GRHPR: variants seen among roughly 807,000 people sequenced by gnomAD.
The protein encoded by GRHPR is glyoxylate and hydroxypyruvate reductase.
GRHPR carries 35 observed loss-of-function variants against 36.8 expected under a neutral mutation model. The ratio of observed to expected loss-of-function variants is 0.95; its 90% CI spans 0.73 to 1.26. The LOEUF (loss-of-function observed/expected upper bound fraction) is 1.26, where lower values mean the gene tolerates loss of function less well. Ranked by LOEUF, GRHPR falls within the 50% of genes most tolerant of loss-of-function variation. The pLI is 0.00. For synonymous variants in GRHPR, 179 were observed against 181.0 expected, an observed-to-expected ratio of 0.99 and a Z score of 0.09; for missense variants, 380 against 435.0, an observed-to-expected ratio of 0.87 and a Z score of 1.12.
chr9:37,436,994 C>T (rs535362163), downstream of GRHPR: 243 of 524,646 alleles, frequency 4.6e-4, 1 homozygote, highest in African/African-American at 4.2e-3. Context: ...TCTGAGAGAC[C>T]GTCTTGGCCT....
chr9:37,439,369 A>T (rs1434301428), downstream of GRHPR: 2 of 152,244 alleles, frequency 1.3e-5, no homozygotes, highest in Admixed American at 6.5e-5. Flanking sequence ...CATGAACACT[A>T]CCATGTTTGG....
At chr9:37,432,383 T>A in intron 8 of GRHPR, 4 of 432,678 alleles carry the variant, frequency 9.2e-6, no homozygotes, top group Non-Finnish European at 1.3e-5. Flanking sequence ...TGGATTTGTT[T>A]AAAAAAAAAG....
In GRHPR at chr9:37,430,516, AC is replaced by A; in HGVS notation, c.608del (p.Pro203LeufsTer16). 1 of 1,613,220 alleles carries A rather than the reference AC, an allele frequency of 6.2e-7. No individual in the cohort carries two copies. The highest frequency in any genetic ancestry group is 8.5e-7 in the Non-Finnish European group (1 of 1,179,372). On this transcript the variant is annotated frameshift_variant, in exon 7 of 9. Coordinates refer to ENST00000318158, the MANE Select transcript of GRHPR (RefSeq NM_012203.2). LOFTEE classifies it high-confidence loss of function. ...GGAGTCCTGCCCTCCCTCAGTGTCT[AC>A]CCCTGAGCTGGCTGCCCAATCTGAT... is the stretch of plus-strand genomic sequence containing the variant. Reference protein sequence around the residue: ...AAEFQAEFVSTPELAAQSDFI... With the variant: ...AAEFQAEFVSXPELAAQSDFI...
At chr9:37,435,756 A>G (rs866505754) in intron 8 of GRHPR, among the ~76,000 whole-genome samples, 1 of 152,206 alleles carries the variant, frequency 6.6e-6, no homozygotes, top group Admixed American at 6.5e-5. Context: ...AATGTACTCA[A>G]TTAAAAGGAA....
At chr9:37,424,491 C>T (rs1822980998) in intron 1 of GRHPR, among the ~76,000 whole-genome samples, 1 of 152,378 alleles carries the variant, frequency 6.6e-6, no homozygotes, top group East Asian at 1.9e-4. Context: ...CCATTGAATC[C>T]AGGCCCCCCA....
intron 6 of GRHPR, 149 bp from the exon 7 acceptor site, chr9:37,430,362 C>T (rs141699256): frequency 1.3e-6 from 1 of 741,814 alleles, no homozygotes. Context: ...ACTTTGTGCA[C>T]TCATGAGAGT....
chr9:37,428,360 C>T (rs1017099369), intron 4 of GRHPR, 124 bp from the exon 5 acceptor site: 6 of 755,056 alleles, frequency 7.9e-6, no homozygotes, highest in South Asian at 2.7e-5. Context: ...CCTCATCCCA[C>T]TCTCAGTCCG....
At position 37,436,850 on chromosome 9, in the gene GRHPR, G is replaced by T; in HGVS notation, c.*68G>T. 6.4e-7 allele frequency: 1 copy of T among 1,559,388 alleles called. No homozygotes were observed. Among genetic ancestry groups the T allele is most frequent in the South Asian group, 1.1e-5 (1 of 89,614 alleles). The stretch of plus-strand genomic sequence containing the variant: ...GGTATTGTCAGACACACCCAGGCTT[G>T]ATTTGGATCCACAGGCAGAGCCAAG... On this transcript the variant is annotated 3_prime_UTR_variant, in exon 9 of 9. Coordinates refer to ENST00000318158, the MANE Select transcript of GRHPR (RefSeq NM_012203.2).
Position 37,436,966 on chromosome 9 carries a change from T to G in GRHPR, c.*184T>G, listed in dbSNP as rs1823699484. The G allele has an allele frequency of 1.6e-6, 1 of 629,440 alleles. No homozygotes were observed. The highest frequency in any genetic ancestry group is 2.8e-6 in the Non-Finnish European group (1 of 354,156). The allele number at this position is 629,440 out of a possible 1,614,324, so 39.0% of individuals were successfully genotyped here. ...ACATTTGCGCCAAAAGTATGGTAAT[T>G]CTATTATTAAATAATTCTCTGAGAG... On this transcript the variant is annotated 3_prime_UTR_variant, in exon 9 of 9. Transcript: ENST00000318158.
chr9:37,439,034 TTATC>T (rs1177357088), downstream of GRHPR: 1 of 152,220 alleles, frequency 6.6e-6, no homozygotes, highest in African/African-American at 2.4e-5. Flanking sequence ...ACTGAATAAT[TTATC>T]TGATTTATGA....
intron 5 of GRHPR, chr9:37,429,312 G>C (rs141800130): frequency 1.1e-4 from 32 of 282,794 alleles, no homozygotes; most frequent in Admixed American, 6.1e-4. Flanking sequence ...CAGTTTGGCA[G>C]TGCCACCAAA....
intron 1 of GRHPR, among the ~76,000 whole-genome samples, chr9:37,424,089 C>T (rs1822965006): frequency 6.6e-6 from 1 of 152,172 alleles, no homozygotes; most frequent in African/African-American, 2.4e-5. Context: ...ATGAGATTTT[C>T]AAATTTTGTT....
At chr9:37,434,987 C>T (rs1384685609) in intron 8 of GRHPR, 1 of 152,276 alleles carries the variant, frequency 6.6e-6, no homozygotes, top group African/African-American at 2.4e-5. Flanking sequence ...TAGGGTGGCT[C>T]ACGCCTATAA....
chr9:37,422,926 C>A, intron 1 of GRHPR, 93 bp downstream of exon 1: 1 of 930,672 alleles, frequency 1.1e-6, no homozygotes, highest in Non-Finnish European at 1.7e-6. Context: ...CCGGCTGGGG[C>A]AGGCTTGGAG....
Position 37,430,927 on chromosome 9 carries a change from G to T in GRHPR, c.734+281G>T, listed in dbSNP as rs1353655651. 1.8e-5 allele frequency: 10 copies of T among 563,028 alleles called. No individual in the cohort carries two copies. In the Admixed American group the frequency reaches 2.2e-4, roughly 12 times the overall value. The allele number at this position is 563,028 out of a possible 1,614,324, so 34.9% of individuals were successfully genotyped here. A position where few individuals can be genotyped will look rare whatever the true frequency, so the allele number is the denominator to read the frequency against. On this transcript the variant is annotated intron_variant, in intron 7 of 8. Coordinates refer to ENST00000318158, the MANE Select transcript of GRHPR (RefSeq NM_012203.2). ...CGTGGCTTCAGGGAGTGTTCCCAGG[G>T]AGCCTCTGCAGGCCCATTATCCTCC...
chr9:37,430,949 C>G, intron 7 of GRHPR: 1 of 530,352 alleles, frequency 1.9e-6, no homozygotes, highest in Non-Finnish European at 3.8e-6. Context: ...GCCCATTATC[C>G]TCCACCACAA....
intron 1 of GRHPR, among the ~76,000 whole-genome samples, chr9:37,424,168 C>T (rs1306776954): frequency 2.6e-5 from 4 of 152,206 alleles, no homozygotes; most frequent in African/African-American, 9.6e-5. Flanking sequence ...GCAGCAACCG[C>T]GCCCATGGTA....
chr9:37,431,896 TAA>T (rs1043905245), intron 7 of GRHPR, 110 bp from the exon 8 acceptor site: 33 of 1,159,816 alleles, frequency 2.8e-5, no homozygotes, highest in Non-Finnish European at 3.9e-5. Flanking sequence ...CTTACTGCTT[TAA>T]AAGTCAGTGC....
At chr9:37,437,784 C>A (rs1181170388), downstream of GRHPR, among the ~76,000 whole-genome samples, 1 of 152,002 alleles carries the variant, frequency 6.6e-6, no homozygotes, top group Non-Finnish European at 1.5e-5. Context: ...AAGGAATCAG[C>A]TTCCAGCTCT....
Sources: gnomAD v4.1 joint callset for allele counts (sites outside exome capture counted in the v4.1 genomes callset) on GRCh38, gnomAD v4.1.1 for gene constraint, MANE v1.5 for transcripts, NCBI Gene and HGNC (gene_info 2026-07-23, HGNC 2026-07-21) for gene names.